Variants in PRH1 observed in about 807,000 individuals in gnomAD.
The protein encoded by PRH1 is salivary acidic proline-rich phosphoprotein 1/2.
In PRH1, 7 loss-of-function variants were observed where a neutral mutation model predicts 7.9. That is an observed-to-expected ratio of 0.89 (90% CI 0.50 to 1.67). The LOEUF (loss-of-function observed/expected upper bound fraction) is 1.67, where lower values mean the gene tolerates loss of function less well. Ranked by LOEUF, PRH1 falls within the 40% of genes most tolerant of loss-of-function variation. PRH1 has a pLI of 0.00. For missense variants in PRH1, 109 were observed against 223.6 expected, an observed-to-expected ratio of 0.49 and a Z score of 3.27; for synonymous variants, 45 against 80.8, an observed-to-expected ratio of 0.56 and a Z score of 2.38.
chr12:11,162,668 CAT>C (rs768992363), intron 1 of PRH1, among the ~76,000 whole-genome samples: 9 of 152,182 alleles, frequency 5.9e-5, no homozygotes, highest in East Asian at 1.9e-4. Context: ...CCTGAGCACA[CAT>C]GAGACTACAT....
chr12:10,939,410 C>A (rs1950354782), intron 2 of PRH1: 2 of 483,480 alleles, frequency 4.1e-6, no homozygotes, highest in Non-Finnish European at 7.2e-6. Flanking sequence ...TTTCCCCAGA[C>A]AGCTCAGCTG....
intron 1 of PRH1, among the ~76,000 whole-genome samples, chr12:11,152,346 G>C (rs977355769): frequency 4.1e-5 from 6 of 147,298 alleles, no homozygotes; most frequent in African/African-American, 1.2e-4. Flanking sequence ...AATAATACAA[G>C]AAAATTTCTT....
intron 2 of PRH1, among the ~76,000 whole-genome samples, chr12:10,933,551 A>C (rs1950243406): frequency 6.6e-6 from 1 of 152,072 alleles, no homozygotes; most frequent in Admixed American, 6.6e-5. Context: ...GATTCCAGGA[A>C]TGTTAAGGAA....
chr12:11,072,580 G>A (rs1160307332), intron 1 of PRH1, among the ~76,000 whole-genome samples: 1 of 152,238 alleles, frequency 6.6e-6, no homozygotes. Context: ...CAAAACACTT[G>A]AAAGTTACAG....
intron 2 of PRH1, among the ~76,000 whole-genome samples, chr12:10,972,650 TCA>T (rs1347118768): frequency 1.3e-5 from 2 of 152,164 alleles, no homozygotes; most frequent in East Asian, 3.9e-4. Context: ...TTCAGCAACA[TCA>T]GTTGTTAGGA....
At chr12:11,115,582 T>G (rs953405092) in intron 1 of PRH1, among the ~76,000 whole-genome samples, 3 of 152,016 alleles carry the variant, frequency 2.0e-5, no homozygotes, top group Non-Finnish European at 4.4e-5. Flanking sequence ...CATCCAAAAG[T>G]TTCAGAATAA....
At chr12:11,131,068 GACC>G (rs994363069) in intron 1 of PRH1, among the ~76,000 whole-genome samples, 4 of 144,768 alleles carry the variant, frequency 2.8e-5, no homozygotes, top group African/African-American at 9.9e-5. Flanking sequence ...TGACTTTCAT[GACC>G]ACCACCAAGG....
chr12:11,149,281 T>C (rs1946982373), intron 1 of PRH1, among the ~76,000 whole-genome samples: 1 of 152,230 alleles, frequency 6.6e-6, no homozygotes, highest in Non-Finnish European at 1.5e-5. Context: ...TGTGTCTCTA[T>C]TTCCTTCAGT....
chr12:11,018,976 G>T (rs1381088734), intron 1 of PRH1, among the ~76,000 whole-genome samples: 3 of 152,256 alleles, frequency 2.0e-5, no homozygotes, highest in African/African-American at 7.2e-5. Context: ...GGAAACATAG[G>T]GAAAGGGGAG....
intron 2 of PRH1, among the ~76,000 whole-genome samples, chr12:10,967,629 G>A (rs1938573968): frequency 6.6e-6 from 1 of 152,018 alleles, no homozygotes; most frequent in African/African-American, 2.4e-5. Context: ...TTAGCTTTTT[G>A]TTTTGTTTTG....
At chr12:11,064,612 T>G (rs1943736891) in intron 1 of PRH1, among the ~76,000 whole-genome samples, 1 of 152,106 alleles carries the variant, frequency 6.6e-6, no homozygotes, top group Non-Finnish European at 1.5e-5. Context: ...CAGCTTTACC[T>G]CCATTCTATT....
intron 1 of PRH1, among the ~76,000 whole-genome samples, chr12:11,006,737 T>A (rs1388053618): frequency 6.6e-6 from 1 of 152,134 alleles, no homozygotes; most frequent in African/African-American, 2.4e-5. Flanking sequence ...TTCCTAAATG[T>A]GTAATAATAT....
At chr12:10,921,481 G>A (rs1950044659) in intron 2 of PRH1, among the ~76,000 whole-genome samples, 1 of 152,022 alleles carries the variant, frequency 6.6e-6, no homozygotes, top group South Asian at 2.1e-4. Context: ...ATAAAGCTCT[G>A]CTATTTAGTA....
At chr12:10,886,032 G>A (rs541053886), upstream of PRH1, among the ~76,000 whole-genome samples, 1 of 152,176 alleles carries the variant, frequency 6.6e-6, no homozygotes. Flanking sequence ...ACCTATTTCA[G>A]GGGGGAATGC....
intron 2 of PRH1, among the ~76,000 whole-genome samples, chr12:10,918,728 C>T (rs1950006828): frequency 6.6e-6 from 1 of 152,132 alleles, no homozygotes; most frequent in Admixed American, 6.5e-5. Flanking sequence ...ATTTGAAATG[C>T]AAAATAGAGC....
Position 11,091,115 on chromosome 12 carries a change from C to CACACACATAT in PRH1, n.124-43928_124-43927insATATGTGTGT, listed in dbSNP as rs751016037. ...ACACAAATACACACACACACACACA[C>CACACACATAT]ATATATATATATATATATATATATA... On this transcript the variant is annotated intron_variant and non_coding_transcript_variant, in intron 1 of 4. Coordinates refer to the PRH1 transcript ENST00000541977. Among the ~76,000 whole-genome samples, 33 of 25,128 alleles carry CACACACATAT rather than the reference C, an allele frequency of 1.3e-3. 7 individuals carry two copies. Among genetic ancestry groups the CACACACATAT allele is most frequent in the South Asian group, 3.8e-3 (2 of 530 alleles). 16.5% of individuals were successfully genotyped at this position (25,128 alleles called of 152,430 possible). A position where few individuals can be genotyped will look rare whatever the true frequency, so the allele number is the denominator to read the frequency against.
At chr12:11,087,905 C>T (rs1251116066) in intron 1 of PRH1, among the ~76,000 whole-genome samples, 4 of 116,570 alleles carry the variant, frequency 3.4e-5, no homozygotes, top group African/African-American at 1.2e-4. Context: ...TCTTAATCTA[C>T]ACCCATTATG....
chr12:11,138,765 G>T (rs1483449748), intron 1 of PRH1, among the ~76,000 whole-genome samples: 1 of 151,794 alleles, frequency 6.6e-6, no homozygotes, highest in African/African-American at 2.4e-5. Flanking sequence ...TGGGCCAGGT[G>T]TGGTGGCTCA....
At chr12:10,898,041 T>G (rs1468540662) in intron 2 of PRH1, among the ~76,000 whole-genome samples, 2 of 152,190 alleles carry the variant, frequency 1.3e-5, no homozygotes, top group Non-Finnish European at 2.9e-5. Flanking sequence ...CCATGTCTGT[T>G]TTTCTCTTCT....
Sources: allele counts gnomAD v4.1 joint callset (sites outside exome capture counted in the v4.1 genomes callset), GRCh38; gene constraint gnomAD v4.1.1; transcripts MANE v1.5; gene names NCBI Gene and HGNC (gene_info 2026-07-23, HGNC 2026-07-21).